The following SHOX2 variants were observed in gnomAD, a reference collection of about 807,000 sequenced individuals.
SHOX2 encodes the protein SHOX homeobox 2, also known as short stature homeobox protein 2.
A neutral mutation model predicts 31.3 loss-of-function variants in SHOX2; 13 were observed. That is an observed-to-expected ratio of 0.42 (90% CI 0.27 to 0.66). The LOEUF (loss-of-function observed/expected upper bound fraction) is 0.66, where lower values mean the gene tolerates loss of function less well. Ranked by LOEUF, SHOX2 falls within the 30% of genes least tolerant of loss-of-function variation. The pLI, the probability that SHOX2 is intolerant of heterozygous loss-of-function variation, is 0.27. For missense variants in SHOX2, 473 were observed against 443.0 expected (o/e 1.07, Z -0.61); for synonymous variants, 244 against 196.2 (o/e 1.24, Z -2.04).
At chr3:158,099,327 T>C (rs1713335835) in intron 4 of SHOX2, among the ~76,000 whole-genome samples, 1 of 152,256 alleles carries the variant, frequency 6.6e-6, no homozygotes, top group Admixed American at 6.5e-5. Flanking sequence ...AGGGCAGCCC[T>C]GGGAAGACCA....
In SHOX2 at chr3:158,096,911, T is replaced by TATATG. The variant is rs1713134310; in HGVS notation, c.*1115_*1116insCATAT. ...GCAAATATATATATATATATATATATATATATATATATATATATATGGCAA... is the reference window on the plus strand; with the variant it reads ...GCAAATATATATATATATATATATATATATGATATATATATATATATATATGGCAA... On this transcript the variant is annotated 3_prime_UTR_variant, in exon 5 of 5. Transcript: ENST00000483851. 2.7e-5 allele frequency: 3 copies of TATATG among 111,532 alleles called. No homozygotes were observed. The highest frequency in any genetic ancestry group is 9.6e-5 in the African/African-American group (3 of 31,152). 6.9% of individuals were successfully genotyped at this position (111,532 alleles called of 1,614,324 possible). A position where few individuals can be genotyped will look rare whatever the true frequency, so the allele number is the denominator to read the frequency against.
At chr3:158,105,023 TCCCCCGCCGCCC>T in intron 1 of SHOX2, 2 of 204,910 alleles carry the variant, frequency 9.8e-6, no homozygotes, top group African/African-American at 9.7e-5. Context: ...GATCCCCACC[TCCCCCGCCGCCC>T]CCCCCCCCCG....
In SHOX2 at chr3:158,097,044, G is replaced by A. The variant is rs1450109928; in HGVS notation, c.*983C>T. Reference sequence around the variant, plus strand: ...GAGTGAGTGCATGGGAGATAAGGGGGTGGGAGGAGACACACCATCAATGGA... The same window carrying A: ...GAGTGAGTGCATGGGAGATAAGGGGATGGGAGGAGACACACCATCAATGGA... On this transcript the variant is annotated 3_prime_UTR_variant, in exon 5 of 5. Transcript: ENST00000483851. 2.7e-5 allele frequency: 4 copies of A among 150,634 alleles called. No individual in the cohort carries two copies. Among genetic ancestry groups the A allele is most frequent in the African/African-American group, 9.8e-5 (4 of 40,808 alleles). 9.3% of individuals were successfully genotyped at this position (150,634 alleles called of 1,614,324 possible).
chr3:158,105,514 C>A (rs1713840561), intron 1 of SHOX2, among the ~76,000 whole-genome samples, 165 bp downstream of exon 1: 1 of 151,694 alleles, frequency 6.6e-6, no homozygotes, highest in Admixed American at 6.6e-5. Flanking sequence ...GAGCATACCA[C>A]CGGACCCCCA....
At position 158,105,674 on chromosome 3, in the gene SHOX2, GT is replaced by G; in HGVS notation, c.346+4del. 1 of 1,522,522 alleles carries G rather than the reference GT, an allele frequency of 6.6e-7. No homozygotes were observed. 94.3% of individuals were successfully genotyped at this position (1,522,522 alleles called of 1,614,324 possible). A position where few individuals can be genotyped will look rare whatever the true frequency, so the allele number is the denominator to read the frequency against. On this transcript the variant is annotated splice_donor_region_variant and intron_variant, in intron 1 of 4. Transcript: ENST00000483851. ...ACCGCTGCCGGGGGTCAGTCAGGTC[GT>G]TACCCTCCGTCAGTCGCGGGCTGCC...
intron 1 of SHOX2, chr3:158,105,299 C>T (rs1342666333): frequency 3.3e-6 from 2 of 609,810 alleles, no homozygotes; most frequent in South Asian, 2.0e-5. Context: ...AGCTTTAGTC[C>T]CGCCGTCTGG....
At position 158,105,783 on chromosome 3, in the gene SHOX2, C is replaced by T. The variant is rs1215018674; in HGVS notation, c.242G>A (p.Gly81Glu). ...TCCTCCAGCTCCTCCGCCTGCTCCT[C>T]CTCCTCCTACACCTCCTCCGCCTCC... The part of the protein sequence containing the change: ...GGGGGGGVGG[G>E]GAGGGAGGGR... Residue 81 changes from glycine to glutamate, a missense_variant, in exon 1 of 5, where the codon GGA becomes GAA. By Grantham distance (98) the Gly-to-Glu change is moderately conservative. Around this residue, in one of 3 missense-constraint regions of SHOX2, gnomAD observed 276 missense variants for 230.0 expected, o/e 1.20. Transcript: ENST00000483851. The T allele has an allele frequency of 1.9e-5, 29 of 1,516,306 alleles. No individual in the cohort carries two copies. The highest frequency in any genetic ancestry group is 2.6e-5 in the Non-Finnish European group (29 of 1,132,684). The allele number at this position is 1,516,306 out of a possible 1,614,324, so 93.9% of individuals were successfully genotyped here.
chr3:158,105,201 T>C, intron 1 of SHOX2: 1 of 940,356 alleles, frequency 1.1e-6, no homozygotes, highest in Non-Finnish European at 1.7e-6. Context: ...TCGAGGGGTC[T>C]TGGCGGCCCC....
chr3:158,098,956 T>C (rs1713308411), intron 4 of SHOX2, among the ~76,000 whole-genome samples: 1 of 152,124 alleles, frequency 6.6e-6, no homozygotes, highest in African/African-American at 2.4e-5. Flanking sequence ...CACCCCTCCC[T>C]CTTTCTTCAG....
At position 158,105,885 on chromosome 3, in the gene SHOX2, C is replaced by A. The variant is rs757635211; in HGVS notation, c.140G>T (p.Gly47Val). 1 of 1,551,202 alleles carries A rather than the reference C, an allele frequency of 6.4e-7. No homozygotes were observed. Among genetic ancestry groups the A allele is most frequent in the South Asian group, 1.2e-5 (1 of 84,776 alleles). ...AKEPTGCTEA[G>V]RDDRSSPAVR... ...TGCCGGGCTGCTGCGGTCGTCGCGGCCCGCCTCGGTGCAGCCGGTCGGCTC... is the reference window on the plus strand; with the variant it reads ...TGCCGGGCTGCTGCGGTCGTCGCGGACCGCCTCGGTGCAGCCGGTCGGCTC... Residue 47 changes from glycine to valine, a missense_variant, in exon 1 of 5, where the codon GGC becomes GTC. This residue lies in a region of SHOX2 where 276 missense variants were observed against 230.0 expected (regional missense o/e 1.20). Coordinates refer to ENST00000483851, the MANE Select transcript of SHOX2 (RefSeq NM_001163678.2).
In SHOX2 at chr3:158,097,938, T is replaced by C; in HGVS notation, c.*89A>G. 3 of 1,493,824 alleles carry C rather than the reference T, an allele frequency of 2.0e-6. No individual in the cohort carries two copies. Among genetic ancestry groups the C allele is most frequent in the Non-Finnish European group, 2.7e-6 (3 of 1,116,696 alleles). The allele number at this position is 1,493,824 out of a possible 1,614,324, so 92.5% of individuals were successfully genotyped here. On this transcript the variant is annotated 3_prime_UTR_variant, in exon 5 of 5. Transcript: ENST00000483851. ...GGGAAGAGGGCCGGCTCCCGAGGTC[T>C]CAAAGGGGTAACGGAGAAGCAGCGG...
rs1161168781 is a variant in SHOX2 at position 158,105,790 on chromosome 3, C to T, written c.235G>A (p.Gly79Arg). Reference sequence around the variant, plus strand: ...GCTCCTCCGCCTGCTCCTCCTCCTCCTACACCTCCTCCGCCTCCTCCGCCG... The same window carrying T: ...GCTCCTCCGCCTGCTCCTCCTCCTCTTACACCTCCTCCGCCTCCTCCGCCG... ...GGGGGGGGGV[G>R]GGGAGGGAGG... is the part of the protein sequence containing the mutation. The change falls in exon 1 of 5, where the codon GGA (glycine) becomes AGA (arginine). Residue 79 changes from glycine to arginine, a missense_variant. Physicochemically the swap from Gly to Arg is moderately radical, Grantham distance 125. Transcript: ENST00000483851. 2 of 1,497,200 alleles carry T rather than the reference C, an allele frequency of 1.3e-6. No homozygotes were observed. Among genetic ancestry groups the T allele is most frequent in the Non-Finnish European group, 1.8e-6 (2 of 1,126,310 alleles). 92.7% of individuals were successfully genotyped at this position (1,497,200 alleles called of 1,614,324 possible).
At position 158,105,096 on chromosome 3, in the gene SHOX2, G is replaced by C. The variant is rs975179530; in HGVS notation, c.346+583C>G. Reference sequence around the variant, plus strand: ...CGCCTCGCCCGGGAGAAGCAGCGTAGCCTGGACCTCAGCTTTCGTTGGCTT... The same window carrying C: ...CGCCTCGCCCGGGAGAAGCAGCGTACCCTGGACCTCAGCTTTCGTTGGCTT... On this transcript the variant is annotated intron_variant, in intron 1 of 4. Transcript: ENST00000483851. 2.0e-6 allele frequency: 3 copies of C among 1,515,402 alleles called. No individual in the cohort carries two copies. In the African/African-American group the frequency reaches 4.5e-5, roughly 22 times the overall value. 93.9% of individuals were successfully genotyped at this position (1,515,402 alleles called of 1,614,324 possible).
intron 4 of SHOX2, among the ~76,000 whole-genome samples, chr3:158,098,596 G>A (rs973360651): frequency 6.6e-6 from 1 of 152,152 alleles, no homozygotes. Context: ...GGGCTGAAAT[G>A]GTATATTGGA....
chr3:158,100,357 TA>T, intron 2 of SHOX2, 46 bp from the exon 3 acceptor site: 1 of 1,470,210 alleles, frequency 6.8e-7, no homozygotes. Context: ...ATGTTATGAC[TA>T]AAAATTTTTT....
chr3:158,098,084 G>T lies in SHOX2; in HGVS notation c.903C>A (p.Ser301=). ...AAAAKTTSKN[S]SIADLRLKAK... is the part of the protein sequence containing the mutation. ...CTTTCAGTCTGAGATCGGCGATGCT[G>T]GAGTTCTTGCTGGTGGTCTTGGCGG... The change falls in exon 5 of 5, where the codon TCC becomes TCA. Residue 301 remains serine (S), a synonymous_variant. Transcript: ENST00000483851. 6.2e-7 allele frequency: 1 copy of T among 1,612,396 alleles called. No individual in the cohort carries two copies. The highest frequency in any genetic ancestry group is 1.3e-5 in the African/African-American group (1 of 75,000).
Position 158,096,379 on chromosome 3 carries a change from T to G in SHOX2, c.*1648A>C, listed in dbSNP as rs1578068966. 8.0e-6 allele frequency: 1 copy of G among 125,614 alleles called. No homozygotes were observed. The highest frequency in any genetic ancestry group is 3.0e-5 in the African/African-American group (1 of 33,354). 7.8% of individuals were successfully genotyped at this position (125,614 alleles called of 1,614,324 possible). ...TTAGTCCAAGGTATCCCAGTTTAAA[T>G]AGCTACATGAATTGAAACAAACAAC... On this transcript the variant is annotated 3_prime_UTR_variant, in exon 5 of 5. Transcript: ENST00000483851.
Position 158,106,376 on chromosome 3 carries a change from A to C in SHOX2, c.-352T>G. The C allele has an allele frequency of 3.2e-6, 1 of 315,382 alleles. No individual in the cohort carries two copies. Among genetic ancestry groups the C allele is most frequent in the Non-Finnish European group, 5.9e-6 (1 of 169,962 alleles). The allele number at this position is 315,382 out of a possible 1,614,324, so 19.5% of individuals were successfully genotyped here. On this transcript the variant is annotated 5_prime_UTR_variant, in exon 1 of 5. Transcript: ENST00000483851. ...TGCCGGAGCGCGCTTGTTCAATGTT[A>C]AGATCTTTGACAATTCTTCCTGCGG...
Position 158,098,053 on chromosome 3 carries a change from T to G in SHOX2, c.934A>C (p.Lys312Gln). The G allele has an allele frequency of 3.7e-6, 6 of 1,608,136 alleles. No individual in the cohort carries two copies. The highest frequency in any genetic ancestry group is 5.1e-6 in the Non-Finnish European group (6 of 1,175,936). ...CACAGACCCAGGGCTGCGGCGTGCT[T>G]TTTGGCTTTCAGTCTGAGATCGGCG... ...SIADLRLKAK[K>Q]HAAALGL Residue 312 changes from lysine to glutamine, a missense_variant, in exon 5 of 5, where the codon AAG (lysine) becomes CAG (glutamine). This residue lies in a region of SHOX2 where 182 missense variants were observed against 167.2 expected (regional missense o/e 1.09). Coordinates refer to ENST00000483851, the MANE Select transcript of SHOX2 (RefSeq NM_001163678.2).
Sources: gnomAD v4.1 joint callset for allele counts (sites outside exome capture counted in the v4.1 genomes callset) on GRCh38, gnomAD v4.1.1 for gene constraint, gnomAD v4.1.1 regional missense constraint, MANE v1.5 for transcripts, NCBI Gene and HGNC (gene_info 2026-07-23, HGNC 2026-07-21) for gene names.